MICALL1: variants seen among roughly 807,000 people sequenced by gnomAD.
MICALL1 encodes MICAL like 1.
In MICALL1, 61 loss-of-function variants were observed where a neutral mutation model predicts 83.7. That is an observed-to-expected ratio of 0.73 (90% CI 0.59 to 0.90). The LOEUF (loss-of-function observed/expected upper bound fraction) is 0.90. Ranked by LOEUF, MICALL1 falls within the 40% of genes least tolerant of loss-of-function variation. The pLI is 0.00. For missense variants in MICALL1, 1,066 were observed against 1,152.0 expected, an observed-to-expected ratio of 0.93 and a Z score of 1.08; for synonymous variants, 481 against 473.6, an observed-to-expected ratio of 1.02 and a Z score of -0.20.
chr22:37,931,881 A>G lies in MICALL1; in HGVS notation c.1964A>G (p.Lys655Arg). The change falls in exon 10 of 16, where the codon AAG becomes AGG. Residue 655 changes from lysine to arginine, a missense_variant. By Grantham distance (26) the Lys-to-Arg change is conservative. Coordinates refer to ENST00000215957, the MANE Select transcript of MICALL1 (RefSeq NM_033386.4). ...PATKKATKGS[K>R]PVRPPAPGHG... ...ACAAAGAAGGCCACCAAGGGATCCA[A>G]GCCAGTGAGGCCACCTGCCCCTGGA... 6.2e-7 allele frequency: 1 copy of G among 1,614,162 alleles called. No individual in the cohort carries two copies. Among genetic ancestry groups the G allele is most frequent in the African/African-American group, 1.3e-5 (1 of 75,048 alleles).
At chr22:37,915,374 A>G (rs1313352389) in intron 3 of MICALL1, among the ~76,000 whole-genome samples, 2 of 152,238 alleles carry the variant, frequency 1.3e-5, no homozygotes, top group African/African-American at 4.8e-5. Flanking sequence ...AAATAACATT[A>G]TGTATATTTT....
chr22:37,933,191 A>C, intron 13 of MICALL1, 79 bp downstream of exon 13: 2 of 1,437,800 alleles, frequency 1.4e-6, no homozygotes, highest in Non-Finnish European at 1.9e-6. Context: ...CGGGCAGACA[A>C]AACCCCAGTA....
rs1261817391 is a variant in MICALL1 at position 37,928,404 on chromosome 22, C to CA, written c.1881+579dup. ...TGTATTTTTAGTAGAGACGGGGTTTCACCGTGTTAGCCAAGATGGTCTCGA... is the reference window on the plus strand; with the variant it reads ...TGTATTTTTAGTAGAGACGGGGTTTCAACCGTGTTAGCCAAGATGGTCTCGA... On this transcript the variant is annotated intron_variant, in intron 9 of 15. Transcript: ENST00000215957. Among the ~76,000 whole-genome samples the CA allele has an allele frequency of 2.6e-5, 4 of 152,288 alleles. No homozygotes were observed. The East Asian group carries it at 7.7e-4, about 29-fold the overall frequency.
intron 4 of MICALL1, 48 bp downstream of exon 4, chr22:37,917,843 A>G (rs1035139076): frequency 4.6e-6 from 7 of 1,510,048 alleles, no homozygotes; most frequent in South Asian, 3.4e-5. Flanking sequence ...GGAGGGGGCG[A>G]GTTATGTGGA....
At position 37,930,499 on chromosome 22, in the gene MICALL1, C is replaced by T. The variant is rs893532485; in HGVS notation, c.1882-1300C>T. Among the ~76,000 whole-genome samples the T allele has an allele frequency of 5.3e-5, 8 of 152,236 alleles. No individual in the cohort carries two copies. Among genetic ancestry groups the T allele is most frequent in the African/African-American group, 1.4e-4 (6 of 41,468 alleles). ...GGCTGGCACAGGCCTCCACCTGCTC[C>T]GCAGCTGCCGAGGGAAAGCTGGGTC... On this transcript the variant is annotated intron_variant, in intron 9 of 15. Transcript: ENST00000215957. The surrounding 1 kb of genome is among the most constrained non-coding windows in gnomAD (Gnocchi z 4.8).
intron 5 of MICALL1, 117 bp downstream of exon 5, chr22:37,919,295 T>C (rs1448838449): frequency 7.9e-7 from 1 of 1,268,340 alleles, no homozygotes; most frequent in Non-Finnish European, 1.0e-6. Context: ...CCCTGGCTTA[T>C]CCCCATTTTA....
At chr22:37,927,111 C>T (rs2145925171) in intron 8 of MICALL1, 1 of 403,634 alleles carries the variant, frequency 2.5e-6, no homozygotes. Flanking sequence ...ACCTCTCTTC[C>T]TCTGGCATTC....
At chr22:37,911,070 G>A (rs979202282) in intron 1 of MICALL1, among the ~76,000 whole-genome samples, 2 of 152,054 alleles carry the variant, frequency 1.3e-5, no homozygotes, top group Non-Finnish European at 2.9e-5. Context: ...TGGTTTCAGC[G>A]GCCTGGAGTG....
chr22:37,917,566 G>A (rs970791174), intron 3 of MICALL1, 141 bp from the exon 4 acceptor site: 50 of 700,162 alleles, frequency 7.1e-5, no homozygotes, highest in African/African-American at 6.8e-4. Context: ...CGTGTGAAGC[G>A]GGAGCCAGCT....
chr22:37,912,614 C>T (rs1424238300), intron 3 of MICALL1, 122 bp downstream of exon 3: 1 of 863,804 alleles, frequency 1.2e-6, no homozygotes, highest in Non-Finnish European at 1.7e-6. Flanking sequence ...CATTCATTTA[C>T]TTATTCATTA....
intron 5 of MICALL1, among the ~76,000 whole-genome samples, chr22:37,920,480 T>C (rs1011704301): frequency 1.3e-5 from 2 of 151,700 alleles, no homozygotes; most frequent in Admixed American, 6.6e-5. Flanking sequence ...TTAGAAACTT[T>C]TTACAGGCCG....
At chr22:37,931,260 G>T (rs1055279998) in intron 9 of MICALL1, among the ~76,000 whole-genome samples, 1 of 152,136 alleles carries the variant, frequency 6.6e-6, no homozygotes, top group African/African-American at 2.4e-5. Context: ...AATTAAACAA[G>T]AATGTATAAA....
chr22:37,926,871 T>G, intron 8 of MICALL1: 1 of 154,672 alleles, frequency 6.5e-6, no homozygotes, highest in Non-Finnish European at 1.4e-5. Flanking sequence ...AGCTCTGGAG[T>G]CAGATACAGT....
At chr22:37,918,047 G>T (rs1241264438) in intron 4 of MICALL1, among the ~76,000 whole-genome samples, 1 of 152,222 alleles carries the variant, frequency 6.6e-6, no homozygotes, top group Non-Finnish European at 1.5e-5. Flanking sequence ...CTCAGGTGGG[G>T]TCAGGAGATG....
chr22:37,910,063 T>C (rs1490643101), intron 1 of MICALL1, among the ~76,000 whole-genome samples: 2 of 152,202 alleles, frequency 1.3e-5, no homozygotes, highest in Non-Finnish European at 2.9e-5. Flanking sequence ...GTGGGTTTCA[T>C]TTCTGTGTCC....
chr22:37,908,300 T>A (rs1180363687), intron 1 of MICALL1, among the ~76,000 whole-genome samples: 1 of 150,770 alleles, frequency 6.6e-6, no homozygotes, highest in Non-Finnish European at 1.5e-5. Context: ...TTTTTTTTTT[T>A]AATGTTTTTT....
At chr22:37,917,298 G>A (rs35619606) in intron 3 of MICALL1, among the ~76,000 whole-genome samples, 1 of 152,158 alleles carries the variant, frequency 6.6e-6, no homozygotes, top group Non-Finnish European at 1.5e-5. Context: ...CAACCCCAAG[G>A]AGGCAGCGCC....
chr22:37,936,824 G>A lies in MICALL1; in HGVS notation c.2309-256G>A, dbSNP rs1204477022. Among the ~76,000 whole-genome samples, 6 of 152,122 alleles carry A rather than the reference G, an allele frequency of 3.9e-5. 1 individual carries two copies. The highest frequency in any genetic ancestry group is 4.1e-4 in the South Asian group (2 of 4,824). On this transcript the variant is annotated intron_variant, in intron 13 of 15. Transcript: ENST00000215957. ...GGAGAATGGCGTGAACCCGGGAGGC[G>A]GAGCCTGCAGTGAGCCAAGATCACG...
chr22:37,917,598 G>T, intron 3 of MICALL1, 109 bp from the exon 4 acceptor site: 1 of 948,184 alleles, frequency 1.1e-6, no homozygotes, highest in Non-Finnish European at 1.7e-6. Context: ...GCATTAGGTG[G>T]TCTGCCTTTA....
Sources: allele counts gnomAD v4.1 joint callset (sites outside exome capture counted in the v4.1 genomes callset), GRCh38; gene constraint gnomAD v4.1.1; non-coding constraint Gnocchi (gnomAD v3.1); transcripts MANE v1.5; gene names NCBI Gene and HGNC (gene_info 2026-07-23, HGNC 2026-07-21).